The following PHF2 variants were observed in gnomAD, a reference collection of about 807,000 sequenced individuals.
PHF2 encodes PHD finger protein 2, also known as lysine-specific demethylase PHF2.
In PHF2, 27 loss-of-function variants were observed where a neutral mutation model predicts 120.5. The observed-to-expected ratio is 0.22, with a 90% CI of 0.17 to 0.31. PHF2 has a LOEUF of 0.31. Ranked by LOEUF, PHF2 falls within the 10% of genes least tolerant of loss-of-function variation. The pLI is 1.00. For synonymous variants in PHF2, 568 were observed against 592.5 expected (o/e 0.96, Z 0.60); for missense variants, 1,024 against 1,434.8 (o/e 0.71, Z 4.63).
At chr9:93,628,676 C>T (rs1028152827) in intron 1 of PHF2, among the ~76,000 whole-genome samples, 10 of 152,140 alleles carry the variant, frequency 6.6e-5, no homozygotes, top group South Asian at 2.1e-4. Flanking sequence ...CCTGCTGTGG[C>T]GACATTCTGG....
At chr9:93,633,920 C>T (rs1311562259) in intron 2 of PHF2, among the ~76,000 whole-genome samples, 1 of 152,126 alleles carries the variant, frequency 6.6e-6, no homozygotes, top group Non-Finnish European at 1.5e-5. Context: ...GCCCTGAGGC[C>T]TCTCCCAGCT....
chr9:93,674,900 C>A, intron 18 of PHF2, 27 bp from the exon 19 acceptor site: 1 of 1,571,584 alleles, frequency 6.4e-7, no homozygotes, highest in Non-Finnish European at 8.8e-7. Context: ...ACTCAGCGGG[C>A]CACGCCTTCC....
chr9:93,662,812 C>T, intron 12 of PHF2, 95 bp from the exon 13 acceptor site: 1 of 1,474,246 alleles, frequency 6.8e-7, no homozygotes, highest in Non-Finnish European at 9.3e-7. Flanking sequence ...GAGCTGCAAG[C>T]ACATGGGCCA....
chr9:93,585,001 T>G (rs1863011519), intron 1 of PHF2, among the ~76,000 whole-genome samples: 1 of 152,240 alleles, frequency 6.6e-6, no homozygotes, highest in Non-Finnish European at 1.5e-5. Flanking sequence ...CTATGGTAAG[T>G]GGTATTATTT....
intron 6 of PHF2, among the ~76,000 whole-genome samples, chr9:93,653,968 G>C (rs1046476598): frequency 3.9e-5 from 6 of 152,138 alleles, no homozygotes; most frequent in African/African-American, 1.2e-4. Flanking sequence ...CTCAGAACCT[G>C]CCTTGGCCCC....
At chr9:93,613,567 T>C (rs1669774375) in intron 1 of PHF2, among the ~76,000 whole-genome samples, 2 of 150,294 alleles carry the variant, frequency 1.3e-5, no homozygotes, top group Non-Finnish European at 3.0e-5. Flanking sequence ...TTTCTTTTTT[T>C]TTTTTTTTTT....
chr9:93,674,587 G>C (rs986152978), intron 18 of PHF2, among the ~76,000 whole-genome samples: 1 of 152,170 alleles, frequency 6.6e-6, no homozygotes, highest in Non-Finnish European at 1.5e-5. Context: ...GGGATCTCAA[G>C]CTCCATGAAC....
In PHF2 at chr9:93,673,122, C is replaced by T. The variant is rs79773322; in HGVS notation, c.2349-463C>T. 9.4e-3 allele frequency among the ~76,000 whole-genome samples: 1,422 copies of T among 151,964 alleles called. 27 individuals carry two copies. The highest frequency in any genetic ancestry group is 0.033 in the African/African-American group (1,361 of 41,368). ...TCAGGGTGACACATGGGAAGGTTCCCTACAAAGTGGGGTAAGGAATGCCCA... is the reference window on the plus strand; with the variant it reads ...TCAGGGTGACACATGGGAAGGTTCCTTACAAAGTGGGGTAAGGAATGCCCA... On this transcript the variant is annotated intron_variant, in intron 17 of 21. Transcript: ENST00000359246.
chr9:93,593,530 A>G (rs1033998735), intron 1 of PHF2, among the ~76,000 whole-genome samples: 1 of 152,176 alleles, frequency 6.6e-6, no homozygotes, highest in African/African-American at 2.4e-5. Context: ...CCTGCTTTGG[A>G]TTTTTTAAAG....
chr9:93,620,395 G>A (rs1825806419), intron 1 of PHF2, among the ~76,000 whole-genome samples: 1 of 152,238 alleles, frequency 6.6e-6, no homozygotes, highest in Admixed American at 6.5e-5. Context: ...CAGGACATAG[G>A]TGGACGAGTG....
chr9:93,665,947 C>T (rs753215661), intron 15 of PHF2, 43 bp from the exon 16 acceptor site: 3 of 1,612,040 alleles, frequency 1.9e-6, no homozygotes, highest in South Asian at 2.2e-5. Flanking sequence ...TGGCTGGCTC[C>T]CCGCAAGGCC....
rs1286444888 is a variant in PHF2 at position 93,655,872 on chromosome 9, G to A, written c.953-62G>A. Reference sequence around the variant, plus strand: ...GGTCTCCGCCGCTCCCTGATCTAGAGCCATGAGAAGCCCGTTCATGGGAGC... The same window carrying A: ...GGTCTCCGCCGCTCCCTGATCTAGAACCATGAGAAGCCCGTTCATGGGAGC... On this transcript the variant is annotated intron_variant, in intron 7 of 21. Coordinates refer to ENST00000359246, the MANE Select transcript of PHF2 (RefSeq NM_005392.4). 25 of 1,249,586 alleles carry A rather than the reference G, an allele frequency of 2.0e-5. No homozygotes were observed. In the East Asian group the frequency reaches 5.9e-4, roughly 30 times the overall value. 77.4% of individuals were successfully genotyped at this position (1,249,586 alleles called of 1,614,324 possible). A position where few individuals can be genotyped will look rare whatever the true frequency, so the allele number is the denominator to read the frequency against.
At chr9:93,636,558 G>A (rs1173061555) in intron 3 of PHF2, 33 bp downstream of exon 3, 1 of 1,404,164 alleles carries the variant, frequency 7.1e-7, no homozygotes, top group Admixed American at 2.0e-5. Flanking sequence ...TCCACCACCT[G>A]CAGCCAGGGG....
At chr9:93,590,930 G>A (rs1825207168) in intron 1 of PHF2, among the ~76,000 whole-genome samples, 1 of 152,234 alleles carries the variant, frequency 6.6e-6, no homozygotes, top group Admixed American at 6.5e-5. Flanking sequence ...CCTTTGAGGG[G>A]CCGCTTCTCC....
Position 93,662,895 on chromosome 9 carries a change from C to G in PHF2, c.1699-12C>G. On this transcript the variant is annotated splice_polypyrimidine_tract_variant and intron_variant, in intron 12 of 21. Transcript: ENST00000359246. ...ATGTCTGCCTCTGGGTCACAGCAGC[C>G]CTTTTTTCTAGGCCACAAAGAGTGT... 1 of 1,613,730 alleles carries G rather than the reference C, an allele frequency of 6.2e-7. No individual in the cohort carries two copies. Among genetic ancestry groups the G allele is most frequent in the Non-Finnish European group, 8.5e-7 (1 of 1,179,810 alleles).
At chr9:93,670,025 T>G (rs1826754153) in intron 17 of PHF2, among the ~76,000 whole-genome samples, 1 of 152,234 alleles carries the variant, frequency 6.6e-6, no homozygotes, top group Non-Finnish European at 1.5e-5. Context: ...TTACAGTGCC[T>G]GGATGTGCTC....
intron 1 of PHF2, among the ~76,000 whole-genome samples, chr9:93,604,022 C>G (rs565675025): frequency 6.6e-6 from 1 of 152,236 alleles, no homozygotes; most frequent in African/African-American, 2.4e-5. Context: ...TTGGCCTCTC[C>G]TGGACTGTCA....
chr9:93,647,370 TC>T (rs1564393432), intron 4 of PHF2, among the ~76,000 whole-genome samples: 1 of 152,174 alleles, frequency 6.6e-6, no homozygotes, highest in Non-Finnish European at 1.5e-5. Flanking sequence ...CTGGCCGTGT[TC>T]CCTCCACAGC....
chr9:93,616,949 C>T (rs1198267124), intron 1 of PHF2, among the ~76,000 whole-genome samples: 2 of 152,192 alleles, frequency 1.3e-5, no homozygotes, highest in East Asian at 3.9e-4. Flanking sequence ...AGCCACTGCA[C>T]CCAGCCAATT....
Sources: allele counts gnomAD v4.1 joint callset (sites outside exome capture counted in the v4.1 genomes callset), GRCh38; gene constraint gnomAD v4.1.1; transcripts MANE v1.5; gene names NCBI Gene and HGNC (gene_info 2026-07-23, HGNC 2026-07-21).